The following TENM3 variants were observed in gnomAD, a reference collection of about 807,000 sequenced individuals.
The protein encoded by TENM3 is teneurin transmembrane protein 3, also known as teneurin-3.
TENM3 carries 63 observed loss-of-function variants against 255.1 expected under a neutral mutation model. The ratio of observed to expected loss-of-function variants is 0.25; its 90% confidence interval spans 0.20 to 0.30. TENM3 has a LOEUF of 0.30. Ranked by LOEUF, TENM3 falls within the 10% of genes least tolerant of loss-of-function variation. The pLI, the probability that TENM3 is intolerant of heterozygous loss-of-function variation, is 1.00. For synonymous variants in TENM3, 1,306 were observed against 1,322.3 expected, an observed-to-expected ratio of 0.99 and a Z score of 0.27; for missense variants, 2,929 against 3,461.1, an observed-to-expected ratio of 0.85 and a Z score of 3.86.
chr4:182,341,140 ATAAAT>A (rs894626564), intron 2 of TENM3, among the ~76,000 whole-genome samples: 43 of 152,316 alleles, frequency 2.8e-4, no homozygotes, highest in African/African-American at 1.0e-3. Context: ...AGAAGAGGCA[ATAAAT>A]TAAATTTCTA....
chr4:181,644,941 C>G, the TENM3 span, among the ~76,000 whole-genome samples: 1 of 151,848 alleles, frequency 6.6e-6, no homozygotes, highest in Non-Finnish European at 1.5e-5. Context: ...GGAGGAGAGG[C>G]TGGTAAGACT....
chr4:182,024,480 G>T, the TENM3 span, among the ~76,000 whole-genome samples: 2 of 152,114 alleles, frequency 1.3e-5, no homozygotes, highest in Non-Finnish European at 1.5e-5. Context: ...TTTTAAAAAT[G>T]ATTTATGGTA....
At chr4:182,029,567 C>T in the TENM3 span, among the ~76,000 whole-genome samples, 3 of 152,034 alleles carry the variant, frequency 2.0e-5, no homozygotes, top group African/African-American at 7.2e-5. Flanking sequence ...TGAATGGACC[C>T]CTTTGTCATC....
chr4:181,649,611 G>A, the TENM3 span, among the ~76,000 whole-genome samples: 1 of 152,170 alleles, frequency 6.6e-6, no homozygotes, highest in Non-Finnish European at 1.5e-5. Flanking sequence ...CCAAATGGAA[G>A]GGATGTGTTC....
At chr4:182,119,902 G>A in the TENM3 span, among the ~76,000 whole-genome samples, 2 of 152,034 alleles carry the variant, frequency 1.3e-5, no homozygotes, top group Non-Finnish European at 2.9e-5. Context: ...TGGTCTCCAT[G>A]TGTTGCCTAA....
the TENM3 span, among the ~76,000 whole-genome samples, chr4:181,626,501 A>G: frequency 6.6e-6 from 1 of 152,058 alleles, no homozygotes; most frequent in Admixed American, 6.5e-5. Flanking sequence ...GGTTCCAGGA[A>G]AGTTACAATC....
At chr4:181,487,728 A>G in the TENM3 span, among the ~76,000 whole-genome samples, 1 of 152,112 alleles carries the variant, frequency 6.6e-6, no homozygotes, top group East Asian at 1.9e-4. Flanking sequence ...GACCTCCCAG[A>G]AATTCAGATC....
At chr4:182,434,460 C>T (rs759776110) in intron 3 of TENM3, among the ~76,000 whole-genome samples, 62 of 152,082 alleles carry the variant, frequency 4.1e-4, no homozygotes, top group Middle Eastern at 3.4e-3. Context: ...GTCAGGAGTT[C>T]GAGAAAAGCC....
the TENM3 span, among the ~76,000 whole-genome samples, chr4:182,018,184 T>A: frequency 6.6e-6 from 1 of 152,144 alleles, no homozygotes; most frequent in Non-Finnish European, 1.5e-5. Context: ...ATTAATTGAT[T>A]TATGTGGTAT....
At chr4:182,412,428 A>G (rs1207639629) in intron 3 of TENM3, among the ~76,000 whole-genome samples, 1 of 152,248 alleles carries the variant, frequency 6.6e-6, no homozygotes, top group Admixed American at 6.5e-5. Flanking sequence ...GCAAATTAAA[A>G]TTAAATTTAT....
the TENM3 span, among the ~76,000 whole-genome samples, chr4:181,753,206 C>A: frequency 6.6e-6 from 1 of 152,184 alleles, no homozygotes; most frequent in African/African-American, 2.4e-5. Context: ...TGGTATTCAG[C>A]AAACTCTAGG....
At chr4:182,201,841 G>T (rs1754204266) in intron 1 of TENM3, among the ~76,000 whole-genome samples, 1 of 152,170 alleles carries the variant, frequency 6.6e-6, no homozygotes, top group African/African-American at 2.4e-5. Context: ...AGGCATACTT[G>T]TCTTATTAAT....
At chr4:182,398,643 A>C (rs1202305189) in intron 3 of TENM3, among the ~76,000 whole-genome samples, 6 of 152,206 alleles carry the variant, frequency 3.9e-5, no homozygotes, top group African/African-American at 1.4e-4. Context: ...AGTGACTTGA[A>C]ACAGGGGTGT....
intron 3 of TENM3, among the ~76,000 whole-genome samples, chr4:182,422,514 G>A (rs968179245): frequency 6.6e-6 from 1 of 152,176 alleles, no homozygotes; most frequent in Non-Finnish European, 1.5e-5. Context: ...CGTGCAGGCT[G>A]CAAATTATGA....
chr4:182,344,456 T>C (rs540132581), intron 2 of TENM3, among the ~76,000 whole-genome samples: 2 of 152,138 alleles, frequency 1.3e-5, no homozygotes, highest in African/African-American at 4.8e-5. Flanking sequence ...ATAGGGATGA[T>C]GTGTTGTGTT....
At chr4:182,052,421 C>T in the TENM3 span, among the ~76,000 whole-genome samples, 23 of 152,060 alleles carry the variant, frequency 1.5e-4, no homozygotes, top group South Asian at 2.1e-4. Context: ...AAATGGGCTT[C>T]GGGACCACAG....
At chr4:181,499,283 C>T in the TENM3 span, among the ~76,000 whole-genome samples, 2 of 152,148 alleles carry the variant, frequency 1.3e-5, no homozygotes, top group African/African-American at 4.8e-5. Flanking sequence ...ACTTCTCTCA[C>T]ATTTTTGATT....
rs2152831537 is a variant in TENM3, at chr4:182,793,497, T to C, written c.6825T>C (p.Tyr2275=). The C allele has an allele frequency of 1.2e-6, 2 of 1,613,998 alleles. No homozygotes were observed. The highest frequency in any genetic ancestry group is 8.5e-7 in the Non-Finnish European group (1 of 1,179,896). The change falls in exon 26 of 28, where the codon TAT becomes TAC. Residue 2275 remains tyrosine (Y), a synonymous_variant. Transcript: ENST00000511685. This position sits in a 1 kb window ranked among gnomAD's most constrained non-coding sequence, Gnocchi z 5.7. ...HSSSEITSLY[Y]DLQGHLFAME... ...GTTCAGAAATTACCTCCCTGTATTA[T>C]GATCTCCAAGGACATCTTTTTGCCA...
chr4:181,831,907 T>C, the TENM3 span, among the ~76,000 whole-genome samples: 1 of 151,954 alleles, frequency 6.6e-6, no homozygotes, highest in Non-Finnish European at 1.5e-5. Flanking sequence ...GCACACTCTG[T>C]GTCAACCCTG....
Sources: gnomAD v4.1 joint callset for allele counts (sites outside exome capture counted in the v4.1 genomes callset) on GRCh38, gnomAD v4.1.1 for gene constraint, Gnocchi (gnomAD v3.1) non-coding constraint, MANE v1.5 for transcripts, NCBI Gene and HGNC (gene_info 2026-07-23, HGNC 2026-07-21) for gene names.